The following PRSS12 variants were observed in gnomAD, a reference collection of about 807,000 sequenced individuals.
PRSS12 encodes serine protease 12, also known as neurotrypsin.
PRSS12 carries 85 observed loss-of-function variants against 104.4 expected under a neutral mutation model. That is an observed-to-expected ratio of 0.81 (90% CI 0.68 to 0.98). The LOEUF (loss-of-function observed/expected upper bound fraction) is 0.98. Ranked by LOEUF, PRSS12 falls within the 50% of genes least tolerant of loss-of-function variation. PRSS12 has a pLI of 0.00. For synonymous variants in PRSS12, 454 were observed against 425.2 expected, an observed-to-expected ratio of 1.07 and a Z score of -0.83; for missense variants, 1,141 against 1,139.2, an observed-to-expected ratio of 1.00 and a Z score of -0.02.
intron 7 of PRSS12, among the ~76,000 whole-genome samples, chr4:118,310,244 A>G (rs992542663): frequency 1.3e-5 from 2 of 152,188 alleles, no homozygotes; most frequent in African/African-American, 4.8e-5. Flanking sequence ...CACTTTTTAT[A>G]TTTTTGGATA....
At chr4:118,296,545 G>GA (rs1368855999) in intron 9 of PRSS12, among the ~76,000 whole-genome samples, 1 of 152,164 alleles carries the variant, frequency 6.6e-6, no homozygotes, top group African/African-American at 2.4e-5. Context: ...AAATATTTGA[G>GA]AAAACAGGAG....
intron 11 of PRSS12, among the ~76,000 whole-genome samples, chr4:118,287,761 T>C (rs1743045452): frequency 1.3e-5 from 2 of 152,216 alleles, no homozygotes; most frequent in South Asian, 4.1e-4. Context: ...TCTTTTGCAA[T>C]GTATTTTAAG....
Position 118,352,202 on chromosome 4 carries a change from GC to G in PRSS12, c.502+16del. 6.2e-7 allele frequency: 1 copy of G among 1,610,248 alleles called. No homozygotes were observed. Among genetic ancestry groups the G allele is most frequent in the Non-Finnish European group, 8.5e-7 (1 of 1,179,296 alleles). Reference sequence around the variant, plus strand: ...GAGCCCGTCCGGAGTTTCCGCGGCCGCCCCGAGGCCACTAACCGTGTCTGCA... The same window carrying G: ...GAGCCCGTCCGGAGTTTCCGCGGCCGCCCGAGGCCACTAACCGTGTCTGCA... On this transcript the variant is annotated intron_variant, in intron 1 of 12. Coordinates refer to ENST00000296498, the MANE Select transcript of PRSS12 (RefSeq NM_003619.4).
intron 2 of PRSS12, among the ~76,000 whole-genome samples, chr4:118,337,434 T>C (rs1212480032): frequency 6.6e-6 from 1 of 152,244 alleles, no homozygotes; most frequent in Non-Finnish European, 1.5e-5. Context: ...CTTCTGCTCC[T>C]GGTGAAACTC....
At chr4:118,307,012 T>A (rs993701569) in intron 8 of PRSS12, among the ~76,000 whole-genome samples, 1 of 152,006 alleles carries the variant, frequency 6.6e-6, no homozygotes, top group Admixed American at 6.6e-5. Flanking sequence ...TATCTTTTAA[T>A]GGCTGATTTT....
Position 118,281,350 on chromosome 4 carries a change from T to C in PRSS12, c.*586A>G, listed in dbSNP as rs1381404975. On this transcript the variant is annotated 3_prime_UTR_variant, in exon 13 of 13. Transcript: ENST00000296498. ...ACTTGTTTCCAAATATCAGATCACT[T>C]TGAGAATATATTGTGACAGGCAGAT... The C allele has an allele frequency of 6.4e-6, 1 of 157,404 alleles. No homozygotes were observed. Among genetic ancestry groups the C allele is most frequent in the Non-Finnish European group, 1.4e-5 (1 of 70,890 alleles). The allele number at this position is 157,404 out of a possible 1,614,324, so 9.8% of individuals were successfully genotyped here.
chr4:118,284,635 T>G (rs1259714170), intron 11 of PRSS12, among the ~76,000 whole-genome samples: 2 of 152,194 alleles, frequency 1.3e-5, no homozygotes, highest in African/African-American at 4.8e-5. Flanking sequence ...TCAAACCCAT[T>G]GGACTTCTAT....
intron 4 of PRSS12, among the ~76,000 whole-genome samples, chr4:118,323,803 T>G (rs1422479484): frequency 6.6e-6 from 1 of 151,786 alleles, no homozygotes; most frequent in Admixed American, 6.6e-5. Flanking sequence ...TAATAACTTG[T>G]TTTTTATATA....
chr4:118,349,297 G>C (rs1254344875), intron 1 of PRSS12, among the ~76,000 whole-genome samples: 1 of 152,048 alleles, frequency 6.6e-6, no homozygotes, highest in African/African-American at 2.4e-5. Context: ...CCAGCACTTT[G>C]GGAGGCTTAG....
intron 11 of PRSS12, among the ~76,000 whole-genome samples, chr4:118,293,035 A>G (rs1743165400): frequency 6.6e-6 from 1 of 151,198 alleles, no homozygotes; most frequent in Non-Finnish European, 1.5e-5. Context: ...AATAATAATA[A>G]TAAATAAATA....
At chr4:118,339,528 C>T (rs1017183672) in intron 1 of PRSS12, among the ~76,000 whole-genome samples, 1 of 152,120 alleles carries the variant, frequency 6.6e-6, no homozygotes, top group African/African-American at 2.4e-5. Context: ...ACGACAAAAA[C>T]AAAGTCTCAT....
chr4:118,314,831 T>C (rs781056422), intron 6 of PRSS12, among the ~76,000 whole-genome samples: 1 of 150,658 alleles, frequency 6.6e-6, no homozygotes, highest in Non-Finnish European at 1.5e-5. Context: ...ATATGAAAAA[T>C]AGAAATAACA....
intron 1 of PRSS12, among the ~76,000 whole-genome samples, chr4:118,351,053 C>T (rs1001426871): frequency 6.6e-6 from 1 of 152,106 alleles, no homozygotes; most frequent in Admixed American, 6.5e-5. Flanking sequence ...ACAAGTAAAG[C>T]GATGACTTCA....
rs199842400 is a variant in PRSS12, at chr4:118,282,971, A to G, written c.2180T>C (p.Ile727Thr). The stretch of plus-strand genomic sequence containing the variant: ...TGGTCCTTGTAATCTAACCAGGGCT[A>G]TGTCATAATCACTGCGGTCGGGTCG... ...EYRPDRSDYDIALVRLQGPEE... is the reference protein window; with the variant it reads ...EYRPDRSDYDTALVRLQGPEE... Residue 727 changes from isoleucine (I) to threonine (T), a missense_variant, in exon 12 of 13, where the codon ATA becomes ACA. Transcript: ENST00000296498. The G allele has an allele frequency of 5.0e-6, 8 of 1,614,178 alleles. No homozygotes were observed. In the East Asian group the frequency reaches 1.6e-4, roughly 31 times the overall value.
intron 2 of PRSS12, among the ~76,000 whole-genome samples, chr4:118,337,810 TC>T (rs1451469993): frequency 2.6e-5 from 4 of 151,982 alleles, no homozygotes; most frequent in Non-Finnish European, 5.9e-5. Context: ...TATAATTAAT[TC>T]ATTATAATTC....
chr4:118,305,804 C>T (rs1480728475), intron 8 of PRSS12: 1 of 152,082 alleles, frequency 6.6e-6, no homozygotes, highest in Non-Finnish European at 1.5e-5. Flanking sequence ...AAATAATTTC[C>T]CATTTTCTTC....
intron 7 of PRSS12, chr4:118,312,908 T>A: frequency 2.4e-6 from 1 of 414,870 alleles, no homozygotes; most frequent in Non-Finnish European, 4.5e-6. Context: ...GGGGAATAGA[T>A]ACTGCAGCTT....
intron 11 of PRSS12, among the ~76,000 whole-genome samples, chr4:118,289,321 A>G (rs1199666169): frequency 1.3e-5 from 2 of 152,218 alleles, no homozygotes; most frequent in Admixed American, 6.5e-5. Context: ...ATTGGCCTAC[A>G]TCACTGCAAG....
rs995743800 is a variant in PRSS12, at chr4:118,280,614, T to C, written c.*1322A>G. The C allele has an allele frequency of 1.3e-5, 2 of 152,224 alleles. No individual in the cohort carries two copies. The highest frequency in any genetic ancestry group is 4.8e-5 in the African/African-American group (2 of 41,466). The allele number at this position is 152,224 out of a possible 1,614,324, so 9.4% of individuals were successfully genotyped here. ...TAAGTTCATGCTAACCTCTTCCCTATATTTATACTACTGGGACCTGGGGAA... is the reference window on the plus strand; with the variant it reads ...TAAGTTCATGCTAACCTCTTCCCTACATTTATACTACTGGGACCTGGGGAA... On this transcript the variant is annotated 3_prime_UTR_variant, in exon 13 of 13. Transcript: ENST00000296498.
Sources: allele counts gnomAD v4.1 joint callset (sites outside exome capture counted in the v4.1 genomes callset), GRCh38; gene constraint gnomAD v4.1.1; transcripts MANE v1.5; gene names NCBI Gene and HGNC (gene_info 2026-07-23, HGNC 2026-07-21).